Variants in NRP1 observed in about 807,000 individuals in gnomAD.
The protein encoded by NRP1 is neuropilin-1.
In NRP1, 35 loss-of-function variants were observed where a neutral mutation model predicts 106.7. That is an observed-to-expected ratio of 0.33 (90% CI 0.25 to 0.43). The LOEUF (loss-of-function observed/expected upper bound fraction) is 0.43, where lower values mean the gene tolerates loss of function less well. Among genes scored for constraint, NRP1 ranks in the 20% least tolerant of loss-of-function variants. NRP1 has a pLI of 1.00. For synonymous variants in NRP1, 437 were observed against 417.9 expected, an observed-to-expected ratio of 1.05 and a Z score of -0.56; for missense variants, 1,024 against 1,170.4, an observed-to-expected ratio of 0.87 and a Z score of 1.83.
In NRP1 at chr10:33,297,761, G is replaced by A. The variant is rs188928872; in HGVS notation, c.249-26905C>T. Among the ~76,000 whole-genome samples, 509 of 151,296 alleles carry A rather than the reference G, an allele frequency of 3.4e-3. 1 individual carries two copies. Among genetic ancestry groups the A allele is most frequent in the African/African-American group, 0.011 (471 of 41,134 alleles). On this transcript the variant is annotated intron_variant, in intron 2 of 16. Coordinates refer to ENST00000374867, the MANE Select transcript of NRP1 (RefSeq NM_003873.7). ...TCCTTCAAACACTTTGAGGTTTAAA[G>A]GCAGGATTTACTACCCTCTGTCCTG... is the stretch of plus-strand genomic sequence containing the variant.
At chr10:33,328,655 A>G (rs1435365580) in intron 2 of NRP1, among the ~76,000 whole-genome samples, 2 of 152,148 alleles carry the variant, frequency 1.3e-5, no homozygotes, top group Non-Finnish European at 2.9e-5. Flanking sequence ...GCTCATAAGA[A>G]CCAACTGTGC....
At chr10:33,224,847 T>C (rs373493798) in intron 7 of NRP1, among the ~76,000 whole-genome samples, 4 of 152,210 alleles carry the variant, frequency 2.6e-5, no homozygotes, top group African/African-American at 9.6e-5. Flanking sequence ...GAAGTAGCGC[T>C]TATTTTAAAA....
chr10:33,231,518 C>T (rs968086024), intron 6 of NRP1, among the ~76,000 whole-genome samples: 5 of 152,102 alleles, frequency 3.3e-5, no homozygotes, highest in African/African-American at 9.7e-5. Flanking sequence ...GTTTTATAGA[C>T]GTTCTAGTGC....
At chr10:33,231,119 CCT>C (rs934256866) in intron 6 of NRP1, among the ~76,000 whole-genome samples, 3 of 152,142 alleles carry the variant, frequency 2.0e-5, no homozygotes, top group African/African-American at 7.2e-5. Context: ...CCTAAAACAA[CCT>C]CTGTCTGTTT....
intron 6 of NRP1, among the ~76,000 whole-genome samples, chr10:33,232,198 C>T (rs1287229754): frequency 6.6e-6 from 1 of 152,144 alleles, no homozygotes; most frequent in African/African-American, 2.4e-5. Flanking sequence ...TACACAATGC[C>T]ACCCCTCTAT....
At chr10:33,203,111 G>C in intron 10 of NRP1, 116 bp from the exon 11 acceptor site, 5 of 1,005,178 alleles carry the variant, frequency 5.0e-6, no homozygotes, top group Non-Finnish European at 4.3e-6. Context: ...AAGAAGACCA[G>C]GGGCATGGTT....
intron 2 of NRP1, among the ~76,000 whole-genome samples, chr10:33,323,614 C>G (rs1847683107): frequency 6.6e-6 from 1 of 152,128 alleles, no homozygotes; most frequent in Non-Finnish European, 1.5e-5. Flanking sequence ...GAACCCTCCT[C>G]TCAAGGTGCA....
chr10:33,310,872 G>A (rs188492640), intron 2 of NRP1, among the ~76,000 whole-genome samples: 11 of 152,284 alleles, frequency 7.2e-5, no homozygotes, highest in Admixed American at 2.0e-4. Flanking sequence ...GGGAAGAAAA[G>A]ACGACCTACA....
chr10:33,283,391 A>T (rs1243329647), intron 2 of NRP1, among the ~76,000 whole-genome samples: 1 of 152,162 alleles, frequency 6.6e-6, no homozygotes, highest in African/African-American at 2.4e-5. Flanking sequence ...AGGTGGGTGT[A>T]TCAGCTCCAT....
chr10:33,220,900 CAAAAAAAAAAAAAA>C (rs35895871), intron 8 of NRP1, among the ~76,000 whole-genome samples: 6 of 60,680 alleles, frequency 9.9e-5, no homozygotes, highest in African/African-American at 1.6e-4. Flanking sequence ...GGCTCAGTCT[CAAAAAAAAAAAAAA>C]AAAAAAAAAG....
At chr10:33,269,217 T>A (rs992111271) in intron 3 of NRP1, among the ~76,000 whole-genome samples, 1 of 152,214 alleles carries the variant, frequency 6.6e-6, no homozygotes, top group African/African-American at 2.4e-5. Flanking sequence ...CAAAAGGAAT[T>A]TATAGGCAGT....
chr10:33,280,700 C>T (rs536778347), intron 2 of NRP1, among the ~76,000 whole-genome samples: 54 of 152,068 alleles, frequency 3.6e-4, no homozygotes, highest in Non-Finnish European at 5.9e-4. Flanking sequence ...GAATATTCTC[C>T]AACAGGCGCT....
intron 13 of NRP1, among the ~76,000 whole-genome samples, chr10:33,188,149 C>T (rs919254484): frequency 6.6e-6 from 1 of 151,952 alleles, no homozygotes; most frequent in African/African-American, 2.4e-5. Flanking sequence ...GAATCCACCA[C>T]GATGGGAAAA....
At chr10:33,278,505 A>G (rs1843877202) in intron 2 of NRP1, among the ~76,000 whole-genome samples, 1 of 152,192 alleles carries the variant, frequency 6.6e-6, no homozygotes, top group Non-Finnish European at 1.5e-5. Context: ...CACTGACTGT[A>G]AATGGGACAC....
At chr10:33,322,547 C>A (rs1847590197) in intron 2 of NRP1, among the ~76,000 whole-genome samples, 1 of 152,056 alleles carries the variant, frequency 6.6e-6, no homozygotes, top group Admixed American at 6.5e-5. Flanking sequence ...CCACAATTCA[C>A]TAATTTTTTA....
At chr10:33,239,461 G>A (rs550025688) in intron 6 of NRP1, among the ~76,000 whole-genome samples, 3 of 152,330 alleles carry the variant, frequency 2.0e-5, no homozygotes. Flanking sequence ...TGTCATTAAA[G>A]TCAATGTTAA....
At chr10:33,319,062 T>G (rs1250258926) in intron 2 of NRP1, among the ~76,000 whole-genome samples, 1 of 145,892 alleles carries the variant, frequency 6.9e-6, no homozygotes, top group Non-Finnish European at 1.5e-5. Context: ...TGGAGTGCAG[T>G]GGCACGATAT....
chr10:33,195,952 G>A (rs1264064800), intron 12 of NRP1, among the ~76,000 whole-genome samples: 2 of 152,100 alleles, frequency 1.3e-5, no homozygotes, highest in Non-Finnish European at 2.9e-5. Flanking sequence ...TTTGCAATTT[G>A]CATACCTGCC....
At chr10:33,325,754 ACTT>A (rs1847840055) in intron 2 of NRP1, among the ~76,000 whole-genome samples, 1 of 152,236 alleles carries the variant, frequency 6.6e-6, no homozygotes, top group East Asian at 1.9e-4. Context: ...CTATGATTAA[ACTT>A]CTTACGAAGT....
Sources: gnomAD v4.1 joint callset for allele counts (sites outside exome capture counted in the v4.1 genomes callset) on GRCh38, gnomAD v4.1.1 for gene constraint, MANE v1.5 for transcripts, NCBI Gene and HGNC (gene_info 2026-07-23, HGNC 2026-07-21) for gene names.